Variants in PCDH17 observed in about 807,000 individuals in gnomAD.
The protein encoded by PCDH17 is protocadherin-17.
In PCDH17, 21 loss-of-function variants were observed where a neutral mutation model predicts 67.7. The observed-to-expected ratio is 0.31, with a 90% CI of 0.22 to 0.45. The LOEUF (loss-of-function observed/expected upper bound fraction) is 0.45, where lower values mean the gene tolerates loss of function less well. PCDH17 is among the 20% of genes least tolerant of loss of function. The pLI, the probability that PCDH17 is intolerant of heterozygous loss-of-function variation, is 1.00. For missense variants in PCDH17, 1,471 were observed against 1,564.8 expected, an observed-to-expected ratio of 0.94 and a Z score of 1.01; for synonymous variants, 701 against 656.7, an observed-to-expected ratio of 1.07 and a Z score of -1.03.
At chr13:57,719,988 G>C (rs1955859426) in intron 3 of PCDH17, among the ~76,000 whole-genome samples, 1 of 151,962 alleles carries the variant, frequency 6.6e-6, no homozygotes, top group African/African-American at 2.4e-5. Flanking sequence ...AAAACACATT[G>C]TAAAATTAAA....
At chr13:57,718,907 T>A (rs1209175066) in intron 3 of PCDH17, among the ~76,000 whole-genome samples, 2 of 152,124 alleles carry the variant, frequency 1.3e-5, no homozygotes, top group East Asian at 3.9e-4. Context: ...CATTAAAGCC[T>A]CTTAACAGAA....
At chr13:57,666,375 T>C (rs1955253460) in intron 1 of PCDH17, 93 bp from the exon 2 acceptor site, 1 of 930,748 alleles carries the variant, frequency 1.1e-6, no homozygotes. Flanking sequence ...AATTTTTGAA[T>C]TATTAATCAT....
intron 1 of PCDH17, among the ~76,000 whole-genome samples, chr13:57,661,681 G>A (rs888838402): frequency 6.6e-6 from 1 of 152,074 alleles, no homozygotes; most frequent in African/African-American, 2.4e-5. Flanking sequence ...TAATGTGTAA[G>A]GTATAGATCA....
At chr13:57,693,315 C>CATATATATATATATAT (rs59643529) in intron 3 of PCDH17, among the ~76,000 whole-genome samples, 4,522 of 88,688 alleles carry the variant, frequency 0.051, 367 homozygotes, top group African/African-American at 0.058. Flanking sequence ...CACTTACATT[C>CATATATATATATATAT]ATATATATAT....
At chr13:57,717,995 G>C (rs1442828146) in intron 3 of PCDH17, among the ~76,000 whole-genome samples, 1 of 151,718 alleles carries the variant, frequency 6.6e-6, no homozygotes, top group African/African-American at 2.4e-5. Context: ...CATGAAATAA[G>C]CATATTGTAA....
chr13:57,639,826 A>G (rs1954868721), intron 1 of PCDH17, among the ~76,000 whole-genome samples: 1 of 151,970 alleles, frequency 6.6e-6, no homozygotes, highest in South Asian at 2.1e-4. Context: ...ATAGAAAAGT[A>G]TGCCCTAAAA....
chr13:57,704,336 G>A (rs1593940768), intron 3 of PCDH17, among the ~76,000 whole-genome samples: 1 of 152,006 alleles, frequency 6.6e-6, no homozygotes, highest in Non-Finnish European at 1.5e-5. Flanking sequence ...CACAAAATCT[G>A]CTTTCTAAAA....
At chr13:57,666,604 C>G (rs747399680) in intron 2 of PCDH17, 57 bp from the exon 3 acceptor site, 51 of 1,605,348 alleles carry the variant, frequency 3.2e-5, no homozygotes, top group Admixed American at 1.2e-4. Context: ...GACTACACTT[C>G]AGATTCAAAC....
chr13:57,641,470 T>A (rs1954891828), intron 1 of PCDH17, among the ~76,000 whole-genome samples: 1 of 146,580 alleles, frequency 6.8e-6, no homozygotes, highest in Non-Finnish European at 1.5e-5. Context: ...GATGAAAAAT[T>A]GTGGCTCTGT....
In PCDH17 at chr13:57,725,548, AGAGAGAAGAAAAAG is replaced by A; in HGVS notation, c.*261_*274del. The A allele has an allele frequency of 4.9e-6, 2 of 404,422 alleles. No homozygotes were observed. Among genetic ancestry groups the A allele is most frequent in the East Asian group, 7.9e-5 (2 of 25,304 alleles). 25.1% of individuals were successfully genotyped at this position (404,422 alleles called of 1,614,324 possible). On this transcript the variant is annotated 3_prime_UTR_variant, in exon 4 of 4. Coordinates refer to ENST00000377918, the MANE Select transcript of PCDH17 (RefSeq NM_001040429.3). ...TGATGCTTAAAGAGAAAAGAAAAAA[AGAGAGAAGAAAAAG>A]GAGAGATGAAAAAGGAGGATGAGGA... is the stretch of plus-strand genomic sequence containing the variant.
intron 3 of PCDH17, among the ~76,000 whole-genome samples, chr13:57,710,757 A>G (rs145816474): frequency 3.4e-4 from 52 of 152,070 alleles, no homozygotes; most frequent in African/African-American, 1.2e-3. Context: ...AAAAACATAC[A>G]TGTATATTAT....
chr13:57,679,853 AC>A (rs1461788433), intron 3 of PCDH17, among the ~76,000 whole-genome samples: 1 of 151,492 alleles, frequency 6.6e-6, no homozygotes, highest in African/African-American at 2.4e-5. Context: ...GCATTACTGC[AC>A]TCTGTTAGAA....
At chr13:57,642,835 G>A (rs1316443475) in intron 1 of PCDH17, among the ~76,000 whole-genome samples, 2 of 151,542 alleles carry the variant, frequency 1.3e-5, no homozygotes, top group Admixed American at 1.3e-4. Context: ...GGTTATGGGA[G>A]TCAAAATAGC....
chr13:57,654,777 G>A (rs1955083570), intron 1 of PCDH17, among the ~76,000 whole-genome samples: 1 of 151,764 alleles, frequency 6.6e-6, no homozygotes, highest in Non-Finnish European at 1.5e-5. Context: ...TTTCCATTGA[G>A]TCATACATTT....
At chr13:57,713,110 C>G (rs1955790463) in intron 3 of PCDH17, among the ~76,000 whole-genome samples, 1 of 151,578 alleles carries the variant, frequency 6.6e-6, no homozygotes, top group Non-Finnish European at 1.5e-5. Flanking sequence ...GCAGGATAAT[C>G]TAAAGAGCCA....
At chr13:57,719,263 C>A (rs914966573) in intron 3 of PCDH17, among the ~76,000 whole-genome samples, 1 of 152,026 alleles carries the variant, frequency 6.6e-6, no homozygotes, top group African/African-American at 2.4e-5. Flanking sequence ...TAGGAGAACA[C>A]AATTTCTATT....
At chr13:57,716,074 G>T (rs1008127599) in intron 3 of PCDH17, among the ~76,000 whole-genome samples, 7 of 151,880 alleles carry the variant, frequency 4.6e-5, no homozygotes, top group Non-Finnish European at 7.4e-5. Flanking sequence ...TTCAGGTCTT[G>T]TTGTGTCTGT....
chr13:57,646,849 C>G (rs556550986), intron 1 of PCDH17, among the ~76,000 whole-genome samples: 1 of 151,796 alleles, frequency 6.6e-6, no homozygotes, highest in Admixed American at 6.6e-5. Flanking sequence ...TTAATTCACC[C>G]TGAAATATTT....
chr13:57,719,043 G>A (rs905103024), intron 3 of PCDH17, among the ~76,000 whole-genome samples: 5 of 151,976 alleles, frequency 3.3e-5, no homozygotes. Flanking sequence ...CACTTGTGCA[G>A]ACCGTAAATA....
Sources: gnomAD v4.1 joint callset for allele counts (sites outside exome capture counted in the v4.1 genomes callset) on GRCh38, gnomAD v4.1.1 for gene constraint, MANE v1.5 for transcripts, NCBI Gene and HGNC (gene_info 2026-07-23, HGNC 2026-07-21) for gene names.